Variants in QPCTL observed in about 807,000 individuals in gnomAD.
The protein encoded by QPCTL is glutaminyl-peptide cyclotransferase like.
QPCTL carries 31 observed loss-of-function variants against 34.6 expected under a neutral mutation model. That is an observed-to-expected ratio of 0.90 (90% CI 0.67 to 1.21). The LOEUF is 1.21. Ranked by LOEUF, QPCTL falls within the 50% of genes most tolerant of loss-of-function variation. The pLI is 0.00. For missense variants in QPCTL, 474 were observed against 507.8 expected (o/e 0.93, Z 0.64); for synonymous variants, 223 against 226.9 (o/e 0.98, Z 0.15).
rs186227446 is a variant in QPCTL, at chr19:45,698,612, C to T, written c.699C>T (p.Pro233=). The part of the protein sequence containing the change: ...DGEEALKEWG[P]KDSLYGSRHL... ...AAGAGGCGCTGAAGGAGTGGGGACC[C>T]AAGGACTCCCTTTACGGTTCCCGGC... Residue 233 remains proline, a synonymous_variant, in exon 4 of 7, where the codon CCC becomes CCT. Coordinates refer to ENST00000012049, the MANE Select transcript of QPCTL (RefSeq NM_017659.4). 2 of 1,614,060 alleles carry T rather than the reference C, an allele frequency of 1.2e-6. No homozygotes were observed. The highest frequency in any genetic ancestry group is 4.5e-5 in the East Asian group (2 of 44,872).
chr19:45,694,459 T>TTTTTA (rs148422945), intron 2 of QPCTL, among the ~76,000 whole-genome samples: 37,087 of 149,356 alleles, frequency 0.25, 5,199 homozygotes, highest in Admixed American at 0.39. Flanking sequence ...ACTGGTTTCT[T>TTTTTA]TTTTATTTTA....
intron 2 of QPCTL, among the ~76,000 whole-genome samples, chr19:45,693,777 G>A (rs770619560): frequency 2.6e-5 from 4 of 152,206 alleles, no homozygotes; most frequent in Admixed American, 6.5e-5. Flanking sequence ...GCAACAGACA[G>A]CCCTATAAGG....
At chr19:45,699,126 C>A (rs922032142) in intron 5 of QPCTL, among the ~76,000 whole-genome samples, 20 of 151,466 alleles carry the variant, frequency 1.3e-4, no homozygotes, top group African/African-American at 4.8e-4. Context: ...CTCCACCTCC[C>A]AGGTTCAAGC....
Position 45,692,724 on chromosome 19 carries a change from G to A in QPCTL, c.21G>A (p.Gly7=). The A allele has an allele frequency of 1.9e-6, 3 of 1,555,622 alleles. No individual in the cohort carries two copies. Among genetic ancestry groups the A allele is most frequent in the Non-Finnish European group, 2.6e-6 (3 of 1,150,042 alleles). The change falls in exon 1 of 7, where the codon GGG becomes GGA. Residue 7 remains glycine (G), a synonymous_variant. Transcript: ENST00000012049. MRSGGR[G]RPRLRLGERG... is the part of the protein sequence containing the mutation. ...CGGCCATGCGTTCCGGGGGCCGCGG[G>A]CGACCCCGCCTGCGGCTGGGGGAAC...
chr19:45,700,885 G>A (rs1967797340), intron 5 of QPCTL, among the ~76,000 whole-genome samples: 1 of 151,396 alleles, frequency 6.6e-6, no homozygotes, highest in Admixed American at 6.6e-5. Flanking sequence ...CTTGAACCCG[G>A]GAGGCGGAGG....
chr19:45,695,952 T>G (rs1967686290), intron 3 of QPCTL, among the ~76,000 whole-genome samples: 1 of 151,918 alleles, frequency 6.6e-6, no homozygotes, highest in Non-Finnish European at 1.5e-5. Flanking sequence ...GTTCAAGCAA[T>G]TCTCCTCCCA....
intron 2 of QPCTL, among the ~76,000 whole-genome samples, chr19:45,694,770 G>A (rs547783189): frequency 3.9e-5 from 6 of 152,092 alleles, no homozygotes; most frequent in Admixed American, 1.3e-4. Flanking sequence ...CGCCCGGCCT[G>A]GACTAGTTTC....
rs1967748989 is a variant in QPCTL at position 45,698,609 on chromosome 19, ACCC to A, written c.697_699del (p.Pro233del). The A allele has an allele frequency of 5.6e-6, 9 of 1,613,860 alleles. No homozygotes were observed. The highest frequency in any genetic ancestry group is 1.3e-5 in the African/African-American group (1 of 74,898). ...GTGAAGAGGCGCTGAAGGAGTGGGG[ACCC>A]AAGGACTCCCTTTACGGTTCCCGGC... On this transcript the variant is annotated inframe_deletion, in exon 4 of 7. Transcript: ENST00000012049.
intron 6 of QPCTL, among the ~76,000 whole-genome samples, chr19:45,702,234 G>T (rs1383341397): frequency 6.6e-6 from 1 of 151,710 alleles, no homozygotes; most frequent in Non-Finnish European, 1.5e-5. Context: ...GGTGGCGGGG[G>T]GGGATCCTTG....
rs985795308 is a variant in QPCTL, at chr19:45,693,639, G to C, written c.351+83G>C. On this transcript the variant is annotated intron_variant, in intron 2 of 6. Coordinates refer to ENST00000012049, the MANE Select transcript of QPCTL (RefSeq NM_017659.4). ...GAATCCTGTTCAAGATCCCAAAGAA[G>C]CTAAGAGGAGGAACTGGGGCTCTGA... is the stretch of plus-strand genomic sequence containing the variant. 2.0e-6 allele frequency: 3 copies of C among 1,492,734 alleles called. No individual in the cohort carries two copies. In the African/African-American group the frequency reaches 4.2e-5, roughly 21 times the overall value. 92.5% of individuals were successfully genotyped at this position (1,492,734 alleles called of 1,614,324 possible).
At chr19:45,696,726 C>A (rs1305068217) in intron 3 of QPCTL, among the ~76,000 whole-genome samples, 2 of 150,822 alleles carry the variant, frequency 1.3e-5, no homozygotes, top group African/African-American at 2.4e-5. Context: ...GTGACAGAGA[C>A]CTTGTCTCTT....
chr19:45,692,850 C>A lies in QPCTL; in HGVS notation c.147C>A (p.Tyr49Ter). Residue 49 changes from tyrosine (Y) to a stop codon, truncating the protein, a stop_gained, in exon 1 of 7, where the codon TAC (tyrosine) becomes TAA (stop). Transcript: ENST00000012049. LOFTEE classifies it high-confidence loss of function. ...LLALAVGSAF[Y>*]TIWSGWHRRT... ...CGCTGGCCGTGGGCTCGGCGTTCTA[C>A]ACCATTTGGAGCGGCTGGCACCGCA... 1 of 1,561,118 alleles carries A rather than the reference C, an allele frequency of 6.4e-7. No homozygotes were observed. The highest frequency in any genetic ancestry group is 8.7e-7 in the Non-Finnish European group (1 of 1,153,200).
At chr19:45,697,689 A>G (rs1179984459) in intron 3 of QPCTL, among the ~76,000 whole-genome samples, 1 of 151,902 alleles carries the variant, frequency 6.6e-6, no homozygotes, top group Non-Finnish European at 1.5e-5. Flanking sequence ...ACCCATTCTC[A>G]TGGCAAACAT....
chr19:45,701,128 A>G (rs1370546601), intron 5 of QPCTL, among the ~76,000 whole-genome samples: 7 of 151,874 alleles, frequency 4.6e-5, no homozygotes, highest in African/African-American at 1.5e-4. Flanking sequence ...ACACACACAC[A>G]CACACAATTA....
chr19:45,700,994 C>T (rs895103540), intron 5 of QPCTL, among the ~76,000 whole-genome samples: 1 of 136,610 alleles, frequency 7.3e-6, no homozygotes, highest in Non-Finnish European at 1.6e-5. Flanking sequence ...AGGGCCCAGA[C>T]ATAGTGGCTC....
chr19:45,696,736 T>TA lies in QPCTL; in HGVS notation c.633+1032dup, dbSNP rs879310817. ...CCTGGGTGACAGAGACCTTGTCTCTTAAAAAAAAAAAAAAGAATATGCTTT... is the reference window on the plus strand; with the variant it reads ...CCTGGGTGACAGAGACCTTGTCTCTTAAAAAAAAAAAAAAAGAATATGCTTT... On this transcript the variant is annotated intron_variant, in intron 3 of 6. Transcript: ENST00000012049. Among the ~76,000 whole-genome samples, 162 of 139,948 alleles carry TA rather than the reference T, an allele frequency of 1.2e-3. 1 individual carries two copies. In the East Asian group the frequency reaches 0.012, roughly 10 times the overall value. 91.8% of individuals were successfully genotyped at this position (139,948 alleles called of 152,430 possible).
rs1396572081 is a variant in QPCTL, at chr19:45,695,585, G to T, written c.500G>T (p.Cys167Phe). The change falls in exon 3 of 7, where the codon TGC becomes TTC. Residue 167 changes from cysteine (C) to phenylalanine (F), a missense_variant. Transcript: ENST00000012049. ...GCTGCCCGTCACCTCACCCTTGCCT[G>T]CCATTATGACTCGAAGCTCTTCCCA... is the stretch of plus-strand genomic sequence containing the variant. The part of the protein sequence containing the change: ...PRAARHLTLA[C>F]HYDSKLFPPG... 1 of 1,614,126 alleles carries T rather than the reference G, an allele frequency of 6.2e-7. No individual in the cohort carries two copies. The highest frequency in any genetic ancestry group is 1.3e-5 in the African/African-American group (1 of 75,062).
chr19:45,695,787 C>T, intron 3 of QPCTL, 69 bp downstream of exon 3: 1 of 1,473,110 alleles, frequency 6.8e-7, no homozygotes, highest in Non-Finnish European at 9.0e-7. Context: ...CCCTCCCTTG[C>T]CTGGACATTT....
chr19:45,702,897 A>T lies in QPCTL; in HGVS notation c.1004-7A>T, dbSNP rs767242296. The T allele has an allele frequency of 6.2e-7, 1 of 1,613,956 alleles. No homozygotes were observed. The highest frequency in any genetic ancestry group is 8.5e-7 in the Non-Finnish European group (1 of 1,179,972). Reference sequence around the variant, plus strand: ...TGGACCTGACAAAGTCTCCTCTGTCACTTCAGGGGTACCCGTGCTCCATCT... The same window carrying T: ...TGGACCTGACAAAGTCTCCTCTGTCTCTTCAGGGGTACCCGTGCTCCATCT... On this transcript the variant is annotated splice_polypyrimidine_tract_variant and splice_region_variant and intron_variant, in intron 6 of 6. Coordinates refer to ENST00000012049, the MANE Select transcript of QPCTL (RefSeq NM_017659.4).
Sources: gnomAD v4.1 joint callset for allele counts (sites outside exome capture counted in the v4.1 genomes callset) on GRCh38, gnomAD v4.1.1 for gene constraint, MANE v1.5 for transcripts, NCBI Gene and HGNC (gene_info 2026-07-23, HGNC 2026-07-21) for gene names.